The following MTHFD1L variants were observed in gnomAD, a reference collection of about 807,000 sequenced individuals.
The protein encoded by MTHFD1L is methylenetetrahydrofolate dehydrogenase (NADP+ dependent) 1 like, also known as monofunctional C1-tetrahydrofolate synthase, mitochondrial.
A neutral mutation model predicts 119.5 loss-of-function variants in MTHFD1L; 81 were observed. The observed-to-expected ratio is 0.68, with a 90% CI of 0.57 to 0.82. The LOEUF is 0.82. MTHFD1L is among the 40% of genes least tolerant of loss of function. The pLI is 0.00. For missense variants in MTHFD1L, 1,125 were observed against 1,253.4 expected (o/e 0.90, Z 1.55); for synonymous variants, 430 against 475.2 (o/e 0.90, Z 1.24).
At chr6:150,996,684 T>A (rs930419704) in intron 20 of MTHFD1L, among the ~76,000 whole-genome samples, 1 of 152,088 alleles carries the variant, frequency 6.6e-6, no homozygotes, top group African/African-American at 2.4e-5. Flanking sequence ...CAAGTTACCC[T>A]CAGTCTCAAG....
Position 151,019,852 on chromosome 6 carries a change from T to C in MTHFD1L, c.2586+4159T>C, listed in dbSNP as rs376395806. ...TCATTGGTGCAGTCAGTAATAGAGC[T>C]CAAGCCTTCTTTGCCCCGGATTTCT... is the stretch of plus-strand genomic sequence containing the variant. On this transcript the variant is annotated intron_variant, in intron 24 of 27. Coordinates refer to ENST00000367321, the MANE Select transcript of MTHFD1L (RefSeq NM_015440.5). Among the ~76,000 whole-genome samples the C allele has an allele frequency of 1.2e-4, 19 of 152,302 alleles. 2 individuals carry two copies. The East Asian group carries it at 1.7e-3, about 14-fold the overall frequency.
intron 26 of MTHFD1L, among the ~76,000 whole-genome samples, chr6:151,043,902 A>C (rs549037390): frequency 2.6e-5 from 4 of 152,348 alleles, no homozygotes; most frequent in African/African-American, 9.6e-5. Context: ...GAAAAGGGTC[A>C]AGCTTTAAAA....
Position 150,868,915 on chromosome 6 carries a change from T to C in MTHFD1L, c.227+2866T>C, listed in dbSNP as rs571826763. Among the ~76,000 whole-genome samples the C allele has an allele frequency of 3.3e-5, 5 of 152,080 alleles. No individual in the cohort carries two copies. The East Asian group carries it at 7.8e-4, about 24-fold the overall frequency. Reference sequence around the variant, plus strand: ...CATCTCTGTAAAAAATTTTAAAAAATTAACTGGGCGTGGCGCGTGCCTGTA... The same window carrying C: ...CATCTCTGTAAAAAATTTTAAAAAACTAACTGGGCGTGGCGCGTGCCTGTA... On this transcript the variant is annotated intron_variant, in intron 1 of 27. Coordinates refer to ENST00000367321, the MANE Select transcript of MTHFD1L (RefSeq NM_015440.5).
chr6:150,886,342 G>A (rs926829882), intron 6 of MTHFD1L, among the ~76,000 whole-genome samples: 2 of 151,738 alleles, frequency 1.3e-5, no homozygotes, highest in African/African-American at 2.4e-5. Flanking sequence ...AGGCTCAGGC[G>A]GGAAGATCGC....
At chr6:151,002,052 A>T (rs1031275833) in intron 20 of MTHFD1L, among the ~76,000 whole-genome samples, 1 of 152,224 alleles carries the variant, frequency 6.6e-6, no homozygotes, top group Non-Finnish European at 1.5e-5. Flanking sequence ...CTTACCTCTC[A>T]GTTCAGGAAA....
At chr6:151,072,606 T>C (rs1463680431) in intron 26 of MTHFD1L, among the ~76,000 whole-genome samples, 1 of 151,856 alleles carries the variant, frequency 6.6e-6, no homozygotes, top group Admixed American at 6.6e-5. Context: ...ATGAGCAACA[T>C]GTTGAAACCC....
chr6:150,993,435 C>T (rs1333097284), intron 20 of MTHFD1L, among the ~76,000 whole-genome samples: 1 of 151,938 alleles, frequency 6.6e-6, no homozygotes, highest in East Asian at 1.9e-4. Flanking sequence ...ATTCTTGTGC[C>T]TTAGCCTCTC....
intron 7 of MTHFD1L, among the ~76,000 whole-genome samples, chr6:150,892,932 G>T (rs188310191): frequency 2.6e-3 from 399 of 152,230 alleles, no homozygotes; most frequent in African/African-American, 9.3e-3. Flanking sequence ...CTGTCTGGAG[G>T]CCACAGTGGT....
At chr6:150,867,366 T>A (rs1778581562) in intron 1 of MTHFD1L, among the ~76,000 whole-genome samples, 1 of 152,172 alleles carries the variant, frequency 6.6e-6, no homozygotes, top group Non-Finnish European at 1.5e-5. Flanking sequence ...TTATTTTATT[T>A]TATTTTCATA....
chr6:151,009,801 C>G lies in MTHFD1L; in HGVS notation c.2126-18C>G, dbSNP rs369198247. ...TTTTTAGAAGATAATAGCACATATT[C>G]CACTTGCTTCCCCACAGTGACCGAA... On this transcript the variant is annotated intron_variant, in intron 20 of 27. Coordinates refer to ENST00000367321, the MANE Select transcript of MTHFD1L (RefSeq NM_015440.5). 6.2e-7 allele frequency: 1 copy of G among 1,613,030 alleles called. No homozygotes were observed. The highest frequency in any genetic ancestry group is 8.5e-7 in the Non-Finnish European group (1 of 1,179,606).
At chr6:151,019,907 T>C (rs1247463799) in intron 24 of MTHFD1L, among the ~76,000 whole-genome samples, 2 of 152,230 alleles carry the variant, frequency 1.3e-5, no homozygotes, top group African/African-American at 2.4e-5. Flanking sequence ...AAAACTTTAG[T>C]AACTTAAGTA....
rs1778187890 is a variant in MTHFD1L at position 150,865,768 on chromosome 6, CGCCGCCCT to C, written c.-54_-47del. ...CCGCCTGCTCCCCTGGCACGCGCCC[CGCCGCCCT>C]CGGCAGCCGCAGCTCCGTGTCCCCT... On this transcript the variant is annotated 5_prime_UTR_variant, in exon 1 of 28. Transcript: ENST00000367321. 1.6e-6 allele frequency: 2 copies of C among 1,230,684 alleles called. No individual in the cohort carries two copies. Among genetic ancestry groups the C allele is most frequent in the Non-Finnish European group, 2.0e-6 (2 of 982,928 alleles). The allele number at this position is 1,230,684 out of a possible 1,614,324, so 76.2% of individuals were successfully genotyped here.
intron 1 of MTHFD1L, among the ~76,000 whole-genome samples, chr6:150,870,978 T>C (rs1235577864): frequency 6.9e-6 from 1 of 144,718 alleles, no homozygotes; most frequent in African/African-American, 2.5e-5. Flanking sequence ...ATATAAAATA[T>C]ATATAATATA....
chr6:150,910,055 C>G (rs777337278), intron 8 of MTHFD1L, among the ~76,000 whole-genome samples: 1 of 151,812 alleles, frequency 6.6e-6, no homozygotes, highest in African/African-American at 2.4e-5. Context: ...GTGGCAGGCA[C>G]CTGTAATCCC....
chr6:150,923,168 C>T (rs2128899503), intron 10 of MTHFD1L, among the ~76,000 whole-genome samples: 1 of 152,296 alleles, frequency 6.6e-6, no homozygotes, highest in African/African-American at 2.4e-5. Context: ...TCAGAACGAT[C>T]TGATAGAATA....
At chr6:150,960,939 T>G (rs1796344894) in intron 18 of MTHFD1L, among the ~76,000 whole-genome samples, 1 of 152,194 alleles carries the variant, frequency 6.6e-6, no homozygotes, top group Non-Finnish European at 1.5e-5. Context: ...TCAATCAGTC[T>G]TGCTTTTCTA....
At chr6:151,098,831 T>C (rs1401040412) in intron 27 of MTHFD1L, among the ~76,000 whole-genome samples, 4 of 152,200 alleles carry the variant, frequency 2.6e-5, no homozygotes, top group Non-Finnish European at 5.9e-5. Flanking sequence ...ATTGTTTTCA[T>C]CTATAATGAG....
At chr6:150,983,819 C>T (rs137990657) in intron 20 of MTHFD1L, among the ~76,000 whole-genome samples, 4,200 of 152,216 alleles carry the variant, frequency 0.028, 205 homozygotes, top group Admixed American at 0.14. Context: ...GACAGAGTCT[C>T]GTTCTATCCC....
intron 20 of MTHFD1L, among the ~76,000 whole-genome samples, chr6:150,990,292 C>T (rs946459720): frequency 6.6e-6 from 1 of 150,790 alleles, no homozygotes; most frequent in Non-Finnish European, 1.5e-5. Context: ...AAAAAAAAGG[C>T]TTTTTCAAGA....
Sources: allele counts gnomAD v4.1 joint callset (sites outside exome capture counted in the v4.1 genomes callset), GRCh38; gene constraint gnomAD v4.1.1; transcripts MANE v1.5; gene names NCBI Gene and HGNC (gene_info 2026-07-23, HGNC 2026-07-21).